Variants in MIPOL1 observed in about 807,000 individuals in gnomAD.
MIPOL1 encodes the protein mirror-image polydactyly 1.
Under a neutral mutation model 60.9 loss-of-function variants are expected in MIPOL1, and 57 were observed. The observed-to-expected ratio is 0.94, with a 90% CI of 0.76 to 1.17. The LOEUF (loss-of-function observed/expected upper bound fraction) is 1.17. Among genes scored for constraint, MIPOL1 ranks in the 50% most tolerant of loss-of-function variants. MIPOL1 has a pLI of 0.00. For missense variants in MIPOL1, 551 were observed against 511.6 expected, an observed-to-expected ratio of 1.08 and a Z score of -0.74; for synonymous variants, 179 against 168.8, an observed-to-expected ratio of 1.06 and a Z score of -0.47.
At chr14:37,335,284 T>C (rs1027545465) in intron 9 of MIPOL1, among the ~76,000 whole-genome samples, 2 of 152,074 alleles carry the variant, frequency 1.3e-5, no homozygotes, top group Admixed American at 6.6e-5. Context: ...TAAATATACA[T>C]AACATAAAAT....
chr14:37,410,561 A>C (rs995686438), intron 10 of MIPOL1, among the ~76,000 whole-genome samples: 1 of 152,180 alleles, frequency 6.6e-6, no homozygotes, highest in East Asian at 1.9e-4. Context: ...CCTCCCAACC[A>C]GGAAGGAATC....
chr14:37,524,632 A>G (rs868606318), intron 12 of MIPOL1, among the ~76,000 whole-genome samples: 8 of 144,660 alleles, frequency 5.5e-5, no homozygotes, highest in Non-Finnish European at 1.0e-4. Flanking sequence ...CAGTGGCGCA[A>G]TCTCAGCTCA....
At chr14:37,315,557 G>C (rs1384401092) in intron 9 of MIPOL1, among the ~76,000 whole-genome samples, 1 of 152,132 alleles carries the variant, frequency 6.6e-6, no homozygotes, top group Non-Finnish European at 1.5e-5. Flanking sequence ...AGTACGATAA[G>C]TAGGCCTTGA....
rs183600594 is a variant in MIPOL1, at chr14:37,283,365, C to T, written c.494-1953C>T. Among the ~76,000 whole-genome samples the T allele has an allele frequency of 2.5e-3, 382 of 152,006 alleles. 1 individual carries two copies. Among genetic ancestry groups the T allele is most frequent in the African/African-American group, 8.7e-3 (360 of 41,430 alleles). On this transcript the variant is annotated intron_variant, in intron 6 of 12. Transcript: ENST00000684589. Reference sequence around the variant, plus strand: ...TACAGGTGTGAGCCACCACGCCTGGCGCCTCATGCTGTTTTGAAAGAGCCA... The same window carrying T: ...TACAGGTGTGAGCCACCACGCCTGGTGCCTCATGCTGTTTTGAAAGAGCCA...
intron 11 of MIPOL1, among the ~76,000 whole-genome samples, chr14:37,446,617 A>G (rs978880038): frequency 6.6e-6 from 1 of 152,152 alleles, no homozygotes; most frequent in African/African-American, 2.4e-5. Context: ...ATAAAGACAC[A>G]TGCACACGTA....
chr14:37,360,050 A>T (rs2092132156), intron 9 of MIPOL1, among the ~76,000 whole-genome samples: 1 of 152,128 alleles, frequency 6.6e-6, no homozygotes, highest in East Asian at 1.9e-4. Flanking sequence ...ATTTTGTCGA[A>T]GGCCTTTTCT....
chr14:37,372,322 T>C (rs1374771900), intron 10 of MIPOL1, among the ~76,000 whole-genome samples: 3 of 152,190 alleles, frequency 2.0e-5, no homozygotes, highest in Non-Finnish European at 4.4e-5. Context: ...TAATCTAGTG[T>C]CATTTTAATA....
chr14:37,219,196 G>T (rs1968321601), intron 1 of MIPOL1, among the ~76,000 whole-genome samples: 1 of 152,096 alleles, frequency 6.6e-6, no homozygotes, highest in African/African-American at 2.4e-5. Context: ...CTGAAGTCAG[G>T]CTACAGTGAT....
intron 5 of MIPOL1, among the ~76,000 whole-genome samples, chr14:37,269,365 A>T (rs977617672): frequency 6.6e-6 from 1 of 151,922 alleles, no homozygotes; most frequent in Non-Finnish European, 1.5e-5. Context: ...TTATTAAATA[A>T]TGTGCATTTT....
chr14:37,421,262 C>T (rs1351388597), intron 10 of MIPOL1, among the ~76,000 whole-genome samples: 3 of 152,092 alleles, frequency 2.0e-5, no homozygotes, highest in Non-Finnish European at 4.4e-5. Flanking sequence ...TAAAAGACTT[C>T]AAAACAATCA....
intron 1 of MIPOL1, among the ~76,000 whole-genome samples, chr14:37,220,300 T>C (rs1400395199): frequency 2.0e-5 from 3 of 152,216 alleles, no homozygotes; most frequent in Admixed American, 2.0e-4. Context: ...CATGTACATA[T>C]AATCTAAAAA....
intron 12 of MIPOL1, among the ~76,000 whole-genome samples, chr14:37,528,354 TA>T (rs2095460348): frequency 6.6e-6 from 1 of 152,032 alleles, no homozygotes; most frequent in African/African-American, 2.4e-5. Context: ...ATTTAATTGT[TA>T]TTTTCAAATA....
intron 7 of MIPOL1, among the ~76,000 whole-genome samples, chr14:37,296,298 C>T (rs2085672087): frequency 6.6e-6 from 1 of 151,964 alleles, no homozygotes; most frequent in South Asian, 2.1e-4. Context: ...GGGACACATT[C>T]AAAGCAGTGT....
rs2153356016 is a variant in MIPOL1 at position 37,247,818 on chromosome 14, C to G, written c.-60-11C>G. ...TTTCAGTTTATTTATCTAGAGTTGG[C>G]TTTATTTTAGCTGCAAATCTTGGAG... On this transcript the variant is annotated splice_polypyrimidine_tract_variant and intron_variant, in intron 2 of 12. Coordinates refer to ENST00000684589, the MANE Select transcript of MIPOL1 (RefSeq NM_001388067.1). 6.5e-7 allele frequency: 1 copy of G among 1,538,772 alleles called. No homozygotes were observed. The highest frequency in any genetic ancestry group is 9.0e-7 in the Non-Finnish European group (1 of 1,115,926).
At chr14:37,415,355 G>A (rs954982576) in intron 10 of MIPOL1, among the ~76,000 whole-genome samples, 1 of 151,958 alleles carries the variant, frequency 6.6e-6, no homozygotes, top group East Asian at 1.9e-4. Flanking sequence ...GGGCATGGTG[G>A]CTCACGCCTA....
At chr14:37,248,820 A>G (rs1973610902) in intron 3 of MIPOL1, among the ~76,000 whole-genome samples, 1 of 152,074 alleles carries the variant, frequency 6.6e-6, no homozygotes, top group Non-Finnish European at 1.5e-5. Context: ...AAAATAAATT[A>G]AGACACATAT....
chr14:37,287,760 A>C (rs2084697363), intron 7 of MIPOL1, among the ~76,000 whole-genome samples: 11 of 152,148 alleles, frequency 7.2e-5, no homozygotes, highest in Admixed American at 7.2e-4. Flanking sequence ...GGAGTCATCA[A>C]ATTTTTTTCT....
chr14:37,399,902 G>T (rs940831454), intron 10 of MIPOL1: 17 of 152,106 alleles, frequency 1.1e-4, no homozygotes, highest in African/African-American at 4.1e-4. Context: ...CAAAGACTGG[G>T]ACTTTTTACA....
At position 37,223,613 on chromosome 14, in the gene MIPOL1, C is replaced by T. The variant is rs574302878; in HGVS notation, c.-198-23490C>T. 5.9e-5 allele frequency among the ~76,000 whole-genome samples: 9 copies of T among 152,198 alleles called. No homozygotes were observed. In the East Asian group the frequency reaches 1.8e-3, roughly 30 times the overall value. ...TGTCTCCTGGGTTCAAGCGATTTTC[C>T]TGCCTCAGCCTGCCAAGTAGCTGGG... On this transcript the variant is annotated intron_variant, in intron 1 of 12. Coordinates refer to ENST00000684589, the MANE Select transcript of MIPOL1 (RefSeq NM_001388067.1).
Sources: gnomAD v4.1 joint callset for allele counts (sites outside exome capture counted in the v4.1 genomes callset) on GRCh38, gnomAD v4.1.1 for gene constraint, MANE v1.5 for transcripts, NCBI Gene and HGNC (gene_info 2026-07-23, HGNC 2026-07-21) for gene names.